SLC13A2: variants seen among roughly 807,000 people sequenced by gnomAD.
SLC13A2 encodes the protein Na(+)-coupled citrate transporter.
In SLC13A2, 40 loss-of-function variants were observed where a neutral mutation model predicts 58.5. The observed-to-expected ratio is 0.68, with a 90% CI of 0.53 to 0.89. SLC13A2 has a LOEUF of 0.89. SLC13A2 is among the 40% of genes least tolerant of loss of function. The pLI, the probability that SLC13A2 is intolerant of heterozygous loss-of-function variation, is 0.00. For missense variants in SLC13A2, 694 were observed against 772.6 expected, an observed-to-expected ratio of 0.90 and a Z score of 1.21; for synonymous variants, 341 against 331.6, an observed-to-expected ratio of 1.03 and a Z score of -0.31.
intron 1 of SLC13A2, among the ~76,000 whole-genome samples, chr17:28,483,678 G>A (rs1460722760): frequency 1.3e-5 from 2 of 152,070 alleles, no homozygotes; most frequent in Non-Finnish European, 2.9e-5. Context: ...TCCTACATTT[G>A]TTAGCTCTCT....
Position 28,497,082 on chromosome 17 carries a change from G to A in SLC13A2, c.1609-17G>A, listed in dbSNP as rs141944074. 6.2e-7 allele frequency: 1 copy of A among 1,611,860 alleles called. No individual in the cohort carries two copies. The highest frequency in any genetic ancestry group is 2.2e-5 in the East Asian group (1 of 44,852). On this transcript the variant is annotated splice_polypyrimidine_tract_variant and intron_variant, in intron 11 of 11. Coordinates refer to ENST00000314669, the MANE Select transcript of SLC13A2 (RefSeq NM_003984.4). ...AGCCCAGTCCCTGCTTAGCCAAATG[G>A]ACTCTCCTCACACCAGGCCCGGGCA... is the stretch of plus-strand genomic sequence containing the variant.
chr17:28,495,716 C>T lies in SLC13A2; in HGVS notation c.1370C>T (p.Pro457Leu), dbSNP rs387907474. ...ACCCCACTGCAGAGTGTGCCAGCTC[C>T]AGCCATTGCCATCATCCTCTCCCTC... Reference protein sequence around the residue: ...KLTPLQSVPAPAIAIILSLLV... With the variant: ...KLTPLQSVPALAIAIILSLLV... Residue 457 changes from proline to leucine, a missense_variant, in exon 10 of 12, where the codon CCA becomes CTA. Transcript: ENST00000314669. The T allele has an allele frequency of 5.6e-5, 90 of 1,612,806 alleles. No individual in the cohort carries two copies. The highest frequency in any genetic ancestry group is 7.4e-5 in the Non-Finnish European group (87 of 1,179,984).
intron 4 of SLC13A2, 60 bp downstream of exon 4, chr17:28,490,966 G>T: frequency 6.8e-7 from 1 of 1,467,290 alleles, no homozygotes; most frequent in Non-Finnish European, 9.2e-7. Flanking sequence ...GAGTCTGAGG[G>T]TCTGTCCGTT....
At chr17:28,484,951 G>A (rs1441131981) in intron 1 of SLC13A2, among the ~76,000 whole-genome samples, 2 of 152,096 alleles carry the variant, frequency 1.3e-5, no homozygotes, top group Non-Finnish European at 2.9e-5. Context: ...TGGGGGTGGG[G>A]GTGACACCAG....
At chr17:28,482,957 C>A (rs74355935) in intron 1 of SLC13A2, among the ~76,000 whole-genome samples, 1,682 of 152,310 alleles carry the variant, frequency 0.011, 39 homozygotes, top group African/African-American at 0.039. Flanking sequence ...CTCCTGAGAC[C>A]CGGGAGTGCT....
chr17:28,473,903 A>C lies in SLC13A2; in HGVS notation c.102+89A>C. On this transcript the variant is annotated intron_variant, in intron 1 of 11. Transcript: ENST00000314669. Reference sequence around the variant, plus strand: ...GGGTTGGGCATCCTTAGGATCCAGCATAACTTCCTCACTGCCCCTGCCCTG... The same window carrying C: ...GGGTTGGGCATCCTTAGGATCCAGCCTAACTTCCTCACTGCCCCTGCCCTG... 6 of 1,087,566 alleles carry C rather than the reference A, an allele frequency of 5.5e-6. No homozygotes were observed. In the South Asian group the frequency reaches 8.4e-5, roughly 15 times the overall value. The allele number at this position is 1,087,566 out of a possible 1,614,324, so 67.4% of individuals were successfully genotyped here.
rs2069155745 is a variant in SLC13A2, at chr17:28,496,920, A to G, written c.1609-179A>G. 6.6e-6 allele frequency among the ~76,000 whole-genome samples: 1 copy of G among 152,230 alleles called. No individual in the cohort carries two copies. The highest frequency in any genetic ancestry group is 1.5e-5 in the Non-Finnish European group (1 of 68,032). On this transcript the variant is annotated intron_variant, in intron 11 of 11. Coordinates refer to ENST00000314669, the MANE Select transcript of SLC13A2 (RefSeq NM_003984.4). This position sits in a 1 kb window ranked among gnomAD's most constrained non-coding sequence, Gnocchi z 4.2. ...AGGAGGAGCGCCCCTTTCCCCTGTT[A>G]GCACAGGGAGTAAAGCAAGGGGCAA...
intron 1 of SLC13A2, among the ~76,000 whole-genome samples, chr17:28,488,378 G>A (rs2151455054): frequency 6.6e-6 from 1 of 152,322 alleles, no homozygotes; most frequent in South Asian, 2.1e-4. Context: ...CCGGCCCCTG[G>A]AGAGGGGATA....
chr17:28,497,023 C>A, intron 11 of SLC13A2, 76 bp from the exon 12 acceptor site: 1 of 1,488,654 alleles, frequency 6.7e-7, no homozygotes, highest in South Asian at 1.2e-5. Context: ...GGCTCCTGTG[C>A]ACCCCCAAAC....
Position 28,484,523 on chromosome 17 carries a change from T to C in SLC13A2, c.103-4691T>C, listed in dbSNP as rs541726523. Among the ~76,000 whole-genome samples, 9 of 152,148 alleles carry C rather than the reference T, an allele frequency of 5.9e-5. No homozygotes were observed. The South Asian group carries it at 1.2e-3, about 21-fold the overall frequency. ...GGCACAGACCAACTCTAAACTTAGG[T>C]TCCTGAAAGCACTAGGAAGCCACTG... On this transcript the variant is annotated intron_variant, in intron 1 of 11. Transcript: ENST00000314669.
Position 28,491,602 on chromosome 17 carries a change from A to C in SLC13A2, c.740A>C (p.Gln247Pro). The C allele has an allele frequency of 6.2e-7, 1 of 1,613,326 alleles. No individual in the cohort carries two copies. Among genetic ancestry groups the C allele is most frequent in the East Asian group, 2.2e-5 (1 of 44,874 alleles). The change falls in exon 5 of 12, where the codon CAA becomes CCA. Residue 247 changes from glutamine to proline, a missense_variant. Physicochemically the swap from Gln to Pro is moderately conservative, Grantham distance 76. Coordinates refer to ENST00000314669, the MANE Select transcript of SLC13A2 (RefSeq NM_003984.4). ...LTGTAPNLVL[Q>P]GQINSLFPQN... ...GGCACCGCACCCAACCTGGTGCTGC[A>C]AGGCCAGATCAACTCGTGAGTGACA...
Position 28,491,484 on chromosome 17 carries a change from G to A in SLC13A2, c.622G>A (p.Ala208Thr). The change falls in exon 5 of 12, where the codon GCA becomes ACA. Residue 208 changes from alanine to threonine, a missense_variant. Coordinates refer to ENST00000314669, the MANE Select transcript of SLC13A2 (RefSeq NM_003984.4). ...PVTSASSEGRAHLSQKHLHLT... is the reference protein window; with the variant it reads ...PVTSASSEGRTHLSQKHLHLT... Reference sequence around the variant, plus strand: ...CACGTCTGCCTCTTCGGAGGGGAGGGCACATCTCAGCCAGAAGCATCTCCA... The same window carrying A: ...CACGTCTGCCTCTTCGGAGGGGAGGACACATCTCAGCCAGAAGCATCTCCA... 6.2e-7 allele frequency: 1 copy of A among 1,613,776 alleles called. No individual in the cohort carries two copies. Among genetic ancestry groups the A allele is most frequent in the Non-Finnish European group, 8.5e-7 (1 of 1,180,044 alleles).
chr17:28,488,474 G>A (rs565794694), intron 1 of SLC13A2, among the ~76,000 whole-genome samples: 3 of 152,312 alleles, frequency 2.0e-5, no homozygotes, highest in Admixed American at 6.5e-5. Flanking sequence ...GGCTCTATAA[G>A]GGGGGTGGGC....
intron 2 of SLC13A2, among the ~76,000 whole-genome samples, chr17:28,489,732 G>A (rs1419778459): frequency 5.9e-5 from 9 of 152,168 alleles, no homozygotes; most frequent in Admixed American, 1.3e-4. Context: ...TTTCTGATTC[G>A]GTAGATCTGG....
At chr17:28,477,706 C>G (rs1555600361) in intron 1 of SLC13A2, among the ~76,000 whole-genome samples, 1 of 152,234 alleles carries the variant, frequency 6.6e-6, no homozygotes, top group African/African-American at 2.4e-5. Flanking sequence ...ATGTGCTTGA[C>G]ATTATGCCAT....
chr17:28,492,352 G>T (rs2069045703), intron 6 of SLC13A2, among the ~76,000 whole-genome samples: 1 of 152,228 alleles, frequency 6.6e-6, no homozygotes, highest in Non-Finnish European at 1.5e-5. Context: ...AGAGCACAGA[G>T]AACACAGTGT....
At chr17:28,489,028 A>T (rs1367411034) in intron 1 of SLC13A2, among the ~76,000 whole-genome samples, 186 bp from the exon 2 acceptor site, 2 of 152,210 alleles carry the variant, frequency 1.3e-5, no homozygotes, top group African/African-American at 4.8e-5. Flanking sequence ...GGTGATATTG[A>T]GTGCCTTGCT....
At chr17:28,481,755 GTCC>G (rs1555601197) in intron 1 of SLC13A2, among the ~76,000 whole-genome samples, 1 of 152,172 alleles carries the variant, frequency 6.6e-6, no homozygotes, top group Admixed American at 6.5e-5. Context: ...TGTATATTCA[GTCC>G]TCAAAGAATT....
chr17:28,483,065 CA>C (rs755555837), intron 1 of SLC13A2, among the ~76,000 whole-genome samples: 7 of 152,326 alleles, frequency 4.6e-5, no homozygotes, highest in Non-Finnish European at 7.3e-5. Context: ...CTTCAGTCAC[CA>C]GGAGGAATAA....
Sources: allele counts gnomAD v4.1 joint callset (sites outside exome capture counted in the v4.1 genomes callset), GRCh38; gene constraint gnomAD v4.1.1; non-coding constraint Gnocchi (gnomAD v3.1); transcripts MANE v1.5; gene names NCBI Gene and HGNC (gene_info 2026-07-23, HGNC 2026-07-21).